Variants in DCC observed in about 807,000 individuals in gnomAD.
The protein encoded by DCC is netrin receptor DCC.
DCC carries 58 observed loss-of-function variants against 172.5 expected under a neutral mutation model. The ratio of observed to expected loss-of-function variants is 0.34; its 90% CI spans 0.27 to 0.42. The LOEUF (loss-of-function observed/expected upper bound fraction) is 0.42. DCC is among the 10% of genes least tolerant of loss of function. The probability of loss-of-function intolerance (pLI) is 1.00; values close to 1 mark genes in which losing one functional copy is unlikely to be tolerated. For missense variants in DCC, 1,740 were observed against 1,791.0 expected, an observed-to-expected ratio of 0.97 and a Z score of 0.51; for synonymous variants, 709 against 644.5, an observed-to-expected ratio of 1.10 and a Z score of -1.52.
At position 53,364,771 on chromosome 18, in the gene DCC, G is replaced by C. The variant is rs144510299; in HGVS notation, c.2360-21272G>C. 9.2e-5 allele frequency among the ~76,000 whole-genome samples: 14 copies of C among 151,962 alleles called. 1 individual carries two copies. In the East Asian group the frequency reaches 2.5e-3, roughly 27 times the overall value. On this transcript the variant is annotated intron_variant, in intron 15 of 28. Transcript: ENST00000442544. ...TCCACATACATTATTTCATAAACTT[G>C]AAATTTATGAACATTAGACATCATC...
At position 52,868,801 on chromosome 18, in the gene DCC, C is replaced by A. The variant is rs1312889799; in HGVS notation, c.413-37243C>A. ...GGGAGACTGTGAGTCAGGTAGGGAG[C>A]ACCAAGGGGTGTGGGAGTGAGCATG... On this transcript the variant is annotated intron_variant, in intron 2 of 28. Transcript: ENST00000442544. 3.9e-5 allele frequency among the ~76,000 whole-genome samples: 6 copies of A among 152,194 alleles called. No homozygotes were observed. In the East Asian group the frequency reaches 1.2e-3, roughly 29 times the overall value.
chr18:52,698,697 C>G (rs889754649), intron 1 of DCC, among the ~76,000 whole-genome samples: 3 of 151,912 alleles, frequency 2.0e-5, no homozygotes, highest in African/African-American at 7.3e-5. Flanking sequence ...CTCCCGGGTT[C>G]AAGCAATTCT....
intron 5 of DCC, among the ~76,000 whole-genome samples, chr18:52,981,800 T>C (rs369864191): frequency 1.8e-3 from 274 of 152,264 alleles, no homozygotes; most frequent in African/African-American, 6.3e-3. Context: ...AAGATTAGGA[T>C]GATTCACATC....
chr18:53,156,253 G>A (rs566151764), intron 7 of DCC, among the ~76,000 whole-genome samples: 2 of 152,232 alleles, frequency 1.3e-5, no homozygotes, highest in Admixed American at 1.3e-4. Flanking sequence ...GAGAGGCCAA[G>A]GTGGGTGGAT....
chr18:52,913,942 A>G (rs2040004859), intron 3 of DCC, among the ~76,000 whole-genome samples: 1 of 152,102 alleles, frequency 6.6e-6, no homozygotes, highest in African/African-American at 2.4e-5. Context: ...TGGAACATAA[A>G]AAAAGACAAA....
chr18:53,201,730 A>G (rs1163235390), intron 9 of DCC, among the ~76,000 whole-genome samples: 1 of 152,110 alleles, frequency 6.6e-6, no homozygotes, highest in African/African-American at 2.4e-5. Flanking sequence ...ATCACTGTAC[A>G]CTTTAAGACT....
chr18:53,330,571 A>G (rs1325386500), intron 14 of DCC, among the ~76,000 whole-genome samples: 2 of 152,016 alleles, frequency 1.3e-5, no homozygotes, highest in Non-Finnish European at 2.9e-5. Context: ...TTTTTTCAGA[A>G]CCAGATATGA....
chr18:53,128,289 T>C (rs1466603381), intron 7 of DCC, among the ~76,000 whole-genome samples: 1 of 152,160 alleles, frequency 6.6e-6, no homozygotes, highest in Non-Finnish European at 1.5e-5. Flanking sequence ...TAAGTTTTTA[T>C]TGGTAGTCAT....
At chr18:52,540,045 A>G (rs2032394669) in intron 1 of DCC, among the ~76,000 whole-genome samples, 1 of 152,200 alleles carries the variant, frequency 6.6e-6, no homozygotes, top group South Asian at 2.1e-4. Context: ...ATCTTGATAC[A>G]GTAGAATGAT....
rs548742991 is a variant in DCC, at chr18:52,513,349, A to T, written c.91+172471A>T. On this transcript the variant is annotated intron_variant, in intron 1 of 28. Transcript: ENST00000442544. ...TCACTTGTTAGCAGTGTGATCTTAG[A>T]TCTATAACCTAATCTCTCTGATTCT... Among the ~76,000 whole-genome samples the T allele has an allele frequency of 9.2e-5, 14 of 152,268 alleles. No individual in the cohort carries two copies. In the South Asian group the frequency reaches 1.2e-3, roughly 14 times the overall value.
intron 12 of DCC, among the ~76,000 whole-genome samples, chr18:53,287,678 T>C (rs935644158): frequency 2.0e-5 from 3 of 152,208 alleles, no homozygotes; most frequent in Admixed American, 6.5e-5. Flanking sequence ...ATTGTTATTA[T>C]GTGTTTTTAA....
intron 1 of DCC, among the ~76,000 whole-genome samples, chr18:52,578,694 A>G (rs1054342275): frequency 6.6e-6 from 1 of 152,220 alleles, no homozygotes; most frequent in Non-Finnish European, 1.5e-5. Flanking sequence ...AAATTACTTA[A>G]AAGTGTATTC....
chr18:53,513,791 A>C (rs2046293947), intron 27 of DCC, among the ~76,000 whole-genome samples: 1 of 149,298 alleles, frequency 6.7e-6, no homozygotes, highest in Admixed American at 6.7e-5. Context: ...CACCCAATAC[A>C]GGAGCACCAA....
chr18:52,668,370 GAGGTACAGA>G (rs2035492806), intron 1 of DCC, among the ~76,000 whole-genome samples: 1 of 152,162 alleles, frequency 6.6e-6, no homozygotes, highest in South Asian at 2.1e-4. Flanking sequence ...TCATGGACAG[GAGGTACAGA>G]ACAAAAAGGG....
chr18:53,226,598 TATATA>T (rs1289820885), intron 12 of DCC, among the ~76,000 whole-genome samples: 5 of 152,038 alleles, frequency 3.3e-5, no homozygotes, highest in Admixed American at 6.6e-5. Flanking sequence ...AATTCCAAGT[TATATA>T]ATATATTTGT....
intron 5 of DCC, among the ~76,000 whole-genome samples, chr18:52,962,800 T>C (rs1180057028): frequency 6.6e-6 from 1 of 151,982 alleles, no homozygotes; most frequent in Non-Finnish European, 1.5e-5. Context: ...TTCATGTCCT[T>C]TGTAGGGACA....
intron 5 of DCC, among the ~76,000 whole-genome samples, chr18:53,042,073 G>T (rs1031079056): frequency 6.6e-6 from 1 of 151,996 alleles, no homozygotes; most frequent in Non-Finnish European, 1.5e-5. Flanking sequence ...GGGCCTCCTT[G>T]TCTTGTGCTG....
At chr18:52,537,665 C>A (rs188207829) in intron 1 of DCC, among the ~76,000 whole-genome samples, 5 of 152,004 alleles carry the variant, frequency 3.3e-5, no homozygotes, top group African/African-American at 1.2e-4. Flanking sequence ...AAAACAATGA[C>A]GACGAATGAA....
chr18:53,108,714 T>A (rs2043286045), intron 7 of DCC, among the ~76,000 whole-genome samples: 1 of 151,712 alleles, frequency 6.6e-6, no homozygotes, highest in Admixed American at 6.6e-5. Context: ...CTAGCCTTTT[T>A]TTCTGGGCAT....
Sources: gnomAD v4.1 joint callset for allele counts (sites outside exome capture counted in the v4.1 genomes callset) on GRCh38, gnomAD v4.1.1 for gene constraint, MANE v1.5 for transcripts, NCBI Gene and HGNC (gene_info 2026-07-23, HGNC 2026-07-21) for gene names.